RASGRF2: variants seen among roughly 807,000 people sequenced by gnomAD.
The protein encoded by RASGRF2 is ras-specific guanine nucleotide-releasing factor 2.
A neutral mutation model predicts 151.0 loss-of-function variants in RASGRF2; 76 were observed. That is an observed-to-expected ratio of 0.50 (90% CI 0.42 to 0.61). The LOEUF (loss-of-function observed/expected upper bound fraction) is 0.61, where lower values mean the gene tolerates loss of function less well. Among genes scored for constraint, RASGRF2 ranks in the 20% least tolerant of loss-of-function variants. The pLI, the probability that RASGRF2 is intolerant of heterozygous loss-of-function variation, is 0.00. For missense variants in RASGRF2, 1,148 were observed against 1,564.6 expected, an observed-to-expected ratio of 0.73 and a Z score of 4.49; for synonymous variants, 504 against 566.5, an observed-to-expected ratio of 0.89 and a Z score of 1.57.
chr5:81,078,619 T>C (rs1752003430), intron 5 of RASGRF2, among the ~76,000 whole-genome samples: 3 of 152,236 alleles, frequency 2.0e-5, no homozygotes, highest in Non-Finnish European at 4.4e-5. Context: ...TTTACATGCC[T>C]TTGAAATTAA....
At position 81,112,912 on chromosome 5, in the gene RASGRF2, C is replaced by T. The variant is rs960629234; in HGVS notation, c.2087+54C>T. On this transcript the variant is annotated intron_variant, in intron 14 of 26. Coordinates refer to ENST00000265080, the MANE Select transcript of RASGRF2 (RefSeq NM_006909.3). ...CATTCGCATATGGCCCTCTTCGTTC[C>T]GGAGTCACCATGAGGATGAGCAGGC... The T allele has an allele frequency of 4.5e-5, 73 of 1,605,050 alleles. No individual in the cohort carries two copies. In the East Asian group the frequency reaches 5.6e-4, roughly 12 times the overall value.
At chr5:81,104,301 A>G (rs1333505173) in intron 12 of RASGRF2, among the ~76,000 whole-genome samples, 2 of 152,072 alleles carry the variant, frequency 1.3e-5, no homozygotes, top group Non-Finnish European at 2.9e-5. Flanking sequence ...AAACATTAAG[A>G]TAAATAAAAG....
intron 1 of RASGRF2, among the ~76,000 whole-genome samples, chr5:81,039,823 T>C (rs574753182): frequency 6.6e-6 from 1 of 152,332 alleles, no homozygotes; most frequent in South Asian, 2.1e-4. Flanking sequence ...CTTTATGCAT[T>C]GCTTACAGTA....
intron 1 of RASGRF2, among the ~76,000 whole-genome samples, chr5:81,003,341 G>T (rs1749147064): frequency 6.6e-6 from 1 of 150,604 alleles, no homozygotes; most frequent in Admixed American, 6.7e-5. Context: ...TCCTGCCTCA[G>T]CCTCCTGAGT....
intron 12 of RASGRF2, among the ~76,000 whole-genome samples, chr5:81,097,303 A>G (rs937624208): frequency 6.6e-5 from 10 of 152,124 alleles, no homozygotes; most frequent in Non-Finnish European, 8.8e-5. Context: ...ACACAAAATG[A>G]CTATGGCATT....
intron 15 of RASGRF2, among the ~76,000 whole-genome samples, chr5:81,120,684 G>A (rs914928419): frequency 6.6e-6 from 1 of 152,176 alleles, no homozygotes. Flanking sequence ...TATGGTTACT[G>A]AACAAATGAA....
chr5:80,961,125 C>A, intron 1 of RASGRF2, 99 bp downstream of exon 1: 5 of 1,296,034 alleles, frequency 3.9e-6, no homozygotes, highest in Non-Finnish European at 5.0e-6. Flanking sequence ...TGAAAGAGTG[C>A]GGGGACTATG....
Position 81,113,619 on chromosome 5 carries a change from C to A in RASGRF2, c.2169C>A (p.Arg723=). The change falls in exon 15 of 27, where the codon CGC becomes CGA. Residue 723 remains arginine, a synonymous_variant. Coordinates refer to ENST00000265080, the MANE Select transcript of RASGRF2 (RefSeq NM_006909.3). ...ATGGCAAATCCCCACGTCTGTGTCG[C>A]AAATTCTCTTCCCCGCCACCACTGG... ...LVDGKSPRLC[R]KFSSPPPLAV... 6.2e-7 allele frequency: 1 copy of A among 1,610,756 alleles called. No individual in the cohort carries two copies. Among genetic ancestry groups the A allele is most frequent in the Non-Finnish European group, 8.5e-7 (1 of 1,176,920 alleles).
At chr5:81,015,039 C>T (rs1749584813) in intron 1 of RASGRF2, among the ~76,000 whole-genome samples, 2 of 152,102 alleles carry the variant, frequency 1.3e-5, no homozygotes, top group Admixed American at 1.3e-4. Flanking sequence ...CCAACATCAG[C>T]CTCCCAAAGT....
intron 9 of RASGRF2, chr5:81,087,462 A>G (rs915616929): frequency 1.3e-5 from 8 of 634,682 alleles, no homozygotes; most frequent in Non-Finnish European, 2.3e-5. Context: ...TGCCAGATGA[A>G]ATGTCTCTGA....
intron 7 of RASGRF2, 102 bp from the exon 8 acceptor site, chr5:81,085,700 G>A: frequency 6.6e-7 from 1 of 1,519,566 alleles, no homozygotes; most frequent in South Asian, 1.3e-5. Flanking sequence ...TAAAAAGTGG[G>A]AGAGTAGAGA....
intron 17 of RASGRF2, among the ~76,000 whole-genome samples, chr5:81,154,198 A>G (rs1472504353): frequency 1.3e-5 from 2 of 152,202 alleles, no homozygotes; most frequent in Admixed American, 1.3e-4. Context: ...GAACAACACT[A>G]TCAACCAACT....
At chr5:81,043,785 T>G (rs529967111) in intron 2 of RASGRF2, among the ~76,000 whole-genome samples, 2 of 152,186 alleles carry the variant, frequency 1.3e-5, no homozygotes, top group Non-Finnish European at 2.9e-5. Context: ...AGCTGTGGCA[T>G]GCTTTCTTTT....
intron 2 of RASGRF2, among the ~76,000 whole-genome samples, chr5:81,067,196 A>G (rs922433875): frequency 6.6e-6 from 1 of 152,200 alleles, no homozygotes; most frequent in African/African-American, 2.4e-5. Flanking sequence ...AATGTATACT[A>G]TATCCTATGC....
chr5:81,169,583 G>A (rs529959416), intron 17 of RASGRF2, among the ~76,000 whole-genome samples: 30 of 152,288 alleles, frequency 2.0e-4, no homozygotes, highest in African/African-American at 4.8e-4. Flanking sequence ...TGATTAGGAC[G>A]CACCATAATC....
chr5:81,214,079 C>G (rs774610628), intron 23 of RASGRF2, among the ~76,000 whole-genome samples: 1 of 152,140 alleles, frequency 6.6e-6, no homozygotes, highest in Non-Finnish European at 1.5e-5. Flanking sequence ...CAGCTATCAC[C>G]AAGGGATCCC....
intron 1 of RASGRF2, among the ~76,000 whole-genome samples, chr5:80,980,477 T>A (rs922143661): frequency 6.6e-6 from 1 of 152,072 alleles, no homozygotes; most frequent in African/African-American, 2.4e-5. Context: ...CCATTGCTAC[T>A]AAAAGAATAT....
At chr5:80,978,150 G>A (rs1375409242) in intron 1 of RASGRF2, among the ~76,000 whole-genome samples, 1 of 152,042 alleles carries the variant, frequency 6.6e-6, no homozygotes, top group African/African-American at 2.4e-5. Flanking sequence ...TTCTTCAGAG[G>A]AAATACATAG....
chr5:81,197,003 T>TA (rs148139380), intron 18 of RASGRF2, among the ~76,000 whole-genome samples: 2,712 of 152,288 alleles, frequency 0.018, 65 homozygotes, highest in African/African-American at 0.062. Context: ...ATGTACATTT[T>TA]AAAAAACTAA....
Sources: gnomAD v4.1 joint callset for allele counts (sites outside exome capture counted in the v4.1 genomes callset) on GRCh38, gnomAD v4.1.1 for gene constraint, MANE v1.5 for transcripts, NCBI Gene and HGNC (gene_info 2026-07-23, HGNC 2026-07-21) for gene names.